ASIC2: variants seen among roughly 807,000 people sequenced by gnomAD.
The protein encoded by ASIC2 is acid-sensing ion channel 2.
Under a neutral mutation model 57.3 loss-of-function variants are expected in ASIC2, and 25 were observed. The observed-to-expected ratio is 0.44, with a 90% CI of 0.32 to 0.61. The LOEUF is 0.61. Ranked by LOEUF, ASIC2 falls within the 20% of genes least tolerant of loss-of-function variation. The pLI is 0.06. For synonymous variants in ASIC2, 319 were observed against 307.5 expected (o/e 1.04, Z -0.39); for missense variants, 641 against 738.1 (o/e 0.87, Z 1.52).
intron 1 of ASIC2, among the ~76,000 whole-genome samples, chr17:34,031,352 A>C (rs1907603638): frequency 6.6e-6 from 1 of 152,064 alleles, no homozygotes; most frequent in African/African-American, 2.4e-5. Context: ...CACACCAAAA[A>C]CCCATCTGTA....
At chr17:33,337,358 T>A (rs1383184026) in intron 1 of ASIC2, among the ~76,000 whole-genome samples, 1 of 152,196 alleles carries the variant, frequency 6.6e-6, no homozygotes, top group African/African-American at 2.4e-5. Context: ...TTTACAGATG[T>A]GGAAACTGAG....
chr17:33,632,512 CA>C (rs1313098365), intron 1 of ASIC2, among the ~76,000 whole-genome samples: 1 of 152,168 alleles, frequency 6.6e-6, no homozygotes, highest in Non-Finnish European at 1.5e-5. Flanking sequence ...CCCCTACCCC[CA>C]ACCCTTGACC....
chr17:33,077,652 C>A (rs4795742), intron 3 of ASIC2, among the ~76,000 whole-genome samples: 114,474 of 152,052 alleles, frequency 0.75, 43,341 homozygotes, highest in Middle Eastern at 0.84. Context: ...TTTACTAGCC[C>A]ACAGAGAATG....
chr17:34,146,479 C>T lies in ASIC2; in HGVS notation c.555+9499G>A, dbSNP rs115657250. Among the ~76,000 whole-genome samples, 1,480 of 152,076 alleles carry T rather than the reference C, an allele frequency of 9.7e-3. 26 individuals carry two copies. Among genetic ancestry groups the T allele is most frequent in the African/African-American group, 0.034 (1,423 of 41,478 alleles). ...TAGAAGCGGGAAGGGGAAGGTAGGG[C>T]GGGGGAAAAGGTAAGCATGAATGTG... On this transcript the variant is annotated intron_variant, in intron 1 of 9. Coordinates refer to the ASIC2 transcript ENST00000359872.
chr17:34,092,221 A>G (rs79494169), intron 1 of ASIC2, among the ~76,000 whole-genome samples: 4,136 of 152,302 alleles, frequency 0.027, 178 homozygotes, highest in African/African-American at 0.083. Context: ...GCAATACAGT[A>G]GAGGTTTCAG....
intron 1 of ASIC2, among the ~76,000 whole-genome samples, chr17:33,419,284 T>C (rs1910966290): frequency 6.6e-6 from 1 of 152,120 alleles, no homozygotes; most frequent in East Asian, 1.9e-4. Context: ...CTATGGGCAA[T>C]GATGGGAAGC....
chr17:33,475,157 A>G (rs998818208), intron 1 of ASIC2, among the ~76,000 whole-genome samples: 1 of 152,138 alleles, frequency 6.6e-6, no homozygotes, highest in East Asian at 1.9e-4. Flanking sequence ...CATTTCCTGG[A>G]ACTCTCTGCT....
intron 1 of ASIC2, among the ~76,000 whole-genome samples, chr17:33,639,361 C>T (rs965218657): frequency 6.6e-6 from 1 of 152,192 alleles, no homozygotes; most frequent in African/African-American, 2.4e-5. Flanking sequence ...GCCACAGCTT[C>T]CCTTTCTGGG....
At chr17:33,565,003 T>C (rs1446040887) in intron 1 of ASIC2, among the ~76,000 whole-genome samples, 1 of 152,250 alleles carries the variant, frequency 6.6e-6, no homozygotes, top group Non-Finnish European at 1.5e-5. Context: ...ACTGGTTTGC[T>C]GTTAATAAAT....
intron 1 of ASIC2, among the ~76,000 whole-genome samples, chr17:33,203,915 G>A (rs897111449): frequency 4.6e-5 from 7 of 152,182 alleles, no homozygotes; most frequent in Admixed American, 4.6e-4. Flanking sequence ...TACCTATTTC[G>A]TCCTTAGGTA....
chr17:33,955,746 A>G (rs1303998045), intron 1 of ASIC2, among the ~76,000 whole-genome samples: 1 of 152,042 alleles, frequency 6.6e-6, no homozygotes, highest in South Asian at 2.1e-4. Flanking sequence ...CTCCAGCCCA[A>G]CAGGGCCCCT....
At chr17:33,862,270 T>C (rs540030255) in intron 1 of ASIC2, among the ~76,000 whole-genome samples, 49 of 152,196 alleles carry the variant, frequency 3.2e-4, no homozygotes, top group Admixed American at 2.9e-3. Flanking sequence ...TTTAGTTACG[T>C]TTCAAGACTG....
At chr17:33,531,666 G>T (rs1915054821) in intron 1 of ASIC2, among the ~76,000 whole-genome samples, 1 of 152,150 alleles carries the variant, frequency 6.6e-6, no homozygotes. Flanking sequence ...ACCTCCCAGT[G>T]GGTCACGACT....
chr17:33,144,376 G>T (rs113300073), intron 1 of ASIC2, among the ~76,000 whole-genome samples: 12 of 151,962 alleles, frequency 7.9e-5, no homozygotes, highest in Non-Finnish European at 1.3e-4. Flanking sequence ...GAAGAGAAGG[G>T]GATGGGAAGG....
At chr17:33,852,140 G>C (rs1336854868) in intron 1 of ASIC2, among the ~76,000 whole-genome samples, 1 of 152,256 alleles carries the variant, frequency 6.6e-6, no homozygotes, top group African/African-American at 2.4e-5. Flanking sequence ...AGCACAGAGT[G>C]GGGCCCAGCA....
At chr17:33,232,451 T>TATGGA (rs1280068326) in intron 1 of ASIC2, among the ~76,000 whole-genome samples, 145 of 124,610 alleles carry the variant, frequency 1.2e-3, no homozygotes, top group African/African-American at 5.4e-3. Context: ...TATGGAATGG[T>TATGGA]ATGGTATGGT....
intron 1 of ASIC2, among the ~76,000 whole-genome samples, chr17:33,965,331 AT>A (rs1905044395): frequency 6.6e-6 from 1 of 151,834 alleles, no homozygotes; most frequent in East Asian, 1.9e-4. Context: ...TCCACTGTGG[AT>A]TTTTTTTCTT....
In ASIC2 at chr17:33,890,769, G is replaced by T. The variant is rs372289743; in HGVS notation, c.555+265209C>A. Among the ~76,000 whole-genome samples, 15 of 152,314 alleles carry T rather than the reference G, an allele frequency of 9.8e-5. No homozygotes were observed. In the South Asian group the frequency reaches 2.9e-3, roughly 29 times the overall value. ...GAAGCTGCTTTCACTCTCTGCAGGG[G>T]CTTTGTGAGGCTCAGGGACAGGGAG... On this transcript the variant is annotated intron_variant, in intron 1 of 9. Transcript: ENST00000359872.
At chr17:34,079,993 G>GT (rs34812804) in intron 1 of ASIC2, among the ~76,000 whole-genome samples, 131,834 of 152,064 alleles carry the variant, frequency 0.87, 57,339 homozygotes, top group South Asian at 0.9. Context: ...TAGGGAAGAT[G>GT]ATCCCCACTT....
Sources: allele counts gnomAD v4.1 joint callset (sites outside exome capture counted in the v4.1 genomes callset), GRCh38; gene constraint gnomAD v4.1.1; transcripts MANE v1.5; gene names NCBI Gene and HGNC (gene_info 2026-07-23, HGNC 2026-07-21).